The following LPL variants were observed in gnomAD, a reference collection of about 807,000 sequenced individuals.
LPL encodes phospholipase A1.
A neutral mutation model predicts 52.2 loss-of-function variants in LPL; 43 were observed. The ratio of observed to expected loss-of-function variants is 0.82; its 90% CI spans 0.64 to 1.06. The LOEUF (loss-of-function observed/expected upper bound fraction) is 1.06, where lower values mean the gene tolerates loss of function less well. Among genes scored for constraint, LPL ranks in the 50% least tolerant of loss-of-function variants. The pLI is 0.00. For synonymous variants in LPL, 244 were observed against 215.6 expected (o/e 1.13, Z -1.15); for missense variants, 639 against 585.3 (o/e 1.09, Z -0.95).
rs968114007 is a variant in LPL, at chr8:19,944,870, G to T, written c.89-3310G>T. 1.3e-5 allele frequency among the ~76,000 whole-genome samples: 2 copies of T among 152,170 alleles called. No individual in the cohort carries two copies. The highest frequency in any genetic ancestry group is 2.9e-5 in the Non-Finnish European group (2 of 68,028). ...TGTTACCCAAAACTCTCCCCTAAGG[G>T]CTTAATATGGACATTTCTGACGAGG... is the stretch of plus-strand genomic sequence containing the variant. On this transcript the variant is annotated intron_variant, in intron 1 of 9. Coordinates refer to ENST00000650287, the MANE Select transcript of LPL (RefSeq NM_000237.3). The surrounding 1 kb of genome is among the most constrained non-coding windows in gnomAD (Gnocchi z 4.2).
rs1319421839 is a variant in LPL, at chr8:19,962,654, C to T, written c.1427+435C>T. Among the ~76,000 whole-genome samples, 6 of 152,302 alleles carry T rather than the reference C, an allele frequency of 3.9e-5. No homozygotes were observed. In the East Asian group the frequency reaches 9.7e-4, roughly 25 times the overall value. Reference sequence around the variant, plus strand: ...GGGAAGTAAAAAGATCTCACTGCATCACCTGCAGCCACATAGTTCTTGATT... The same window carrying T: ...GGGAAGTAAAAAGATCTCACTGCATTACCTGCAGCCACATAGTTCTTGATT... On this transcript the variant is annotated intron_variant, in intron 9 of 9. Transcript: ENST00000650287.
intron 6 of LPL, among the ~76,000 whole-genome samples, chr8:19,957,678 C>T (rs285): frequency 0.58 from 88,535 of 152,044 alleles, 28,584 homozygotes; most frequent in African/African-American, 0.88. Flanking sequence ...CATCTTTTAG[C>T]AGCTGTGGGG....
At position 19,950,218 on chromosome 8, in the gene LPL, C is replaced by A. The variant is rs1297457848; in HGVS notation, c.250-1551C>A. Among the ~76,000 whole-genome samples the A allele has an allele frequency of 1.3e-5, 2 of 152,204 alleles. No individual in the cohort carries two copies. The highest frequency in any genetic ancestry group is 6.5e-5 in the Admixed American group (1 of 15,284). On this transcript the variant is annotated intron_variant, in intron 2 of 9. Transcript: ENST00000650287. The surrounding 1 kb of genome is among the most constrained non-coding windows in gnomAD (Gnocchi z 4.2). ...GGTCAGGTGGCCCACCTGGTATAGG[C>A]AGCAGGGAGGGCTTCAGTTCAGCTG...
At chr8:19,956,927 G>A (rs1038474623) in intron 6 of LPL, among the ~76,000 whole-genome samples, 1 of 152,106 alleles carries the variant, frequency 6.6e-6, no homozygotes, top group Non-Finnish European at 1.5e-5. Context: ...GGGTTCAAAT[G>A]ATTCCCCTGC....
chr8:19,948,012 A>C (rs768553840), intron 1 of LPL, among the ~76,000 whole-genome samples, 168 bp from the exon 2 acceptor site: 4 of 152,168 alleles, frequency 2.6e-5, no homozygotes, highest in Admixed American at 6.5e-5. Flanking sequence ...AACTTTGCTC[A>C]ACGTTGGAGC....
At chr8:19,942,437 G>A (rs954257242) in intron 1 of LPL, among the ~76,000 whole-genome samples, 2 of 152,158 alleles carry the variant, frequency 1.3e-5, no homozygotes, top group African/African-American at 4.8e-5. Context: ...TGGATGAAGA[G>A]ACCATTTGGA....
chr8:19,961,786 GC>G (rs1238699433), intron 8 of LPL, among the ~76,000 whole-genome samples: 3 of 152,090 alleles, frequency 2.0e-5, no homozygotes, highest in Non-Finnish European at 4.4e-5. Flanking sequence ...GAAGGCAGAT[GC>G]CCTAATTCCT....
At chr8:19,940,033 G>A (rs369500645) in intron 1 of LPL, among the ~76,000 whole-genome samples, 125 of 152,306 alleles carry the variant, frequency 8.2e-4, no homozygotes, top group Middle Eastern at 6.8e-3. Flanking sequence ...AAGCCGGGGC[G>A]CGGGGAGGCG....
intron 2 of LPL, among the ~76,000 whole-genome samples, chr8:19,951,506 A>C (rs1252779217): frequency 6.6e-6 from 1 of 152,132 alleles, no homozygotes; most frequent in African/African-American, 2.4e-5. Context: ...TGAATGTCTA[A>C]AATATACTTT....
chr8:19,950,143 A>T lies in LPL; in HGVS notation c.250-1626A>T, dbSNP rs971834094. Among the ~76,000 whole-genome samples the T allele has an allele frequency of 1.3e-5, 2 of 152,166 alleles. No homozygotes were observed. Among genetic ancestry groups the T allele is most frequent in the African/African-American group, 4.8e-5 (2 of 41,442 alleles). ...TGGGACTGAGTTGGGTCTGTGCAAG[A>T]ACTAAGCCAGCCACACTGATCTTGA... is the stretch of plus-strand genomic sequence containing the variant. On this transcript the variant is annotated intron_variant, in intron 2 of 9. Coordinates refer to ENST00000650287, the MANE Select transcript of LPL (RefSeq NM_000237.3). This position sits in a 1 kb window ranked among gnomAD's most constrained non-coding sequence, Gnocchi z 4.2.
chr8:19,944,905 C>A lies in LPL; in HGVS notation c.89-3275C>A, dbSNP rs556938185. 1.5e-4 allele frequency among the ~76,000 whole-genome samples: 23 copies of A among 152,306 alleles called. No homozygotes were observed. Among genetic ancestry groups the A allele is most frequent in the African/African-American group, 5.3e-4 (22 of 41,572 alleles). ...GACATTTCTGACGAGGCCTGATGGG[C>A]AGGTGGTACGGTGATGCTAAGTTAA... is the stretch of plus-strand genomic sequence containing the variant. On this transcript the variant is annotated intron_variant, in intron 1 of 9. Coordinates refer to ENST00000650287, the MANE Select transcript of LPL (RefSeq NM_000237.3). This position sits in a 1 kb window ranked among gnomAD's most constrained non-coding sequence, Gnocchi z 4.2.
intron 1 of LPL, among the ~76,000 whole-genome samples, chr8:19,943,788 C>A (rs1359955635): frequency 6.6e-6 from 1 of 152,090 alleles, no homozygotes; most frequent in Non-Finnish European, 1.5e-5. Context: ...CCCTCTTTTT[C>A]AGTAGTGTGG....
At chr8:19,955,535 G>A (rs188225797) in intron 5 of LPL, among the ~76,000 whole-genome samples, 2 of 152,142 alleles carry the variant, frequency 1.3e-5, no homozygotes, top group Non-Finnish European at 1.5e-5. Context: ...AGAAGGATGA[G>A]ATAAACAAGG....
At chr8:19,946,175 T>C (rs999315063) in intron 1 of LPL, among the ~76,000 whole-genome samples, 1 of 152,154 alleles carries the variant, frequency 6.6e-6, no homozygotes, top group Non-Finnish European at 1.5e-5. Context: ...ACGTGTACTT[T>C]TACTATATGC....
intron 6 of LPL, among the ~76,000 whole-genome samples, chr8:19,958,667 C>A (rs140008535): frequency 7.1e-4 from 108 of 152,182 alleles, no homozygotes; most frequent in African/African-American, 2.6e-3. Flanking sequence ...TTTTGGTGTG[C>A]CCATTACGGA....
At chr8:19,948,487 G>A in intron 2 of LPL, 147 bp downstream of exon 2, 2 of 950,890 alleles carry the variant, frequency 2.1e-6, no homozygotes, top group Non-Finnish European at 3.1e-6. Flanking sequence ...TCTGGCTCAG[G>A]TGGGATCTGA....
Position 19,956,000 on chromosome 8 carries a change from A to G in LPL, c.935A>G (p.Asn312Ser). Reference protein sequence around the residue: ...CLSCRKNRCNNLGYEINKVRA... With the variant: ...CLSCRKNRCNSLGYEINKVRA... ...AGTTGTAGAAAGAACCGCTGCAACA[A>G]TCTGGGCTATGAGATCAATAAAGTC... The change falls in exon 6 of 10, where the codon AAT becomes AGT. Residue 312 changes from asparagine (N) to serine (S), a missense_variant. Transcript: ENST00000650287. The G allele has an allele frequency of 1.2e-6, 2 of 1,614,200 alleles. No individual in the cohort carries two copies. Among genetic ancestry groups the G allele is most frequent in the Non-Finnish European group, 1.7e-6 (2 of 1,180,042 alleles).
At position 19,966,660 on chromosome 8, in the gene LPL, A is replaced by C. The variant is rs183325288; in HGVS notation, c.*1350A>C. The stretch of plus-strand genomic sequence containing the variant: ...CTCTGCATGTGTGTTGTCCTTCAGC[A>C]TAATTCGGAAGGGAAAACAGTCGAT... On this transcript the variant is annotated 3_prime_UTR_variant, in exon 10 of 10. Coordinates refer to ENST00000650287, the MANE Select transcript of LPL (RefSeq NM_000237.3). 3 of 152,360 alleles carry C rather than the reference A, an allele frequency of 2.0e-5. No homozygotes were observed. The allele number at this position is 152,360 out of a possible 1,614,324, so 9.4% of individuals were successfully genotyped here.
intron 7 of LPL, among the ~76,000 whole-genome samples, chr8:19,960,577 T>C (rs935762996): frequency 2.0e-5 from 3 of 152,216 alleles, no homozygotes; most frequent in African/African-American, 7.2e-5. Flanking sequence ...TGATTGTAGC[T>C]AAATAATGTT....
Sources: gnomAD v4.1 joint callset for allele counts (sites outside exome capture counted in the v4.1 genomes callset) on GRCh38, gnomAD v4.1.1 for gene constraint, Gnocchi (gnomAD v3.1) non-coding constraint, MANE v1.5 for transcripts, NCBI Gene and HGNC (gene_info 2026-07-23, HGNC 2026-07-21) for gene names.